PAX8: variants seen among roughly 807,000 people sequenced by gnomAD.
The protein encoded by PAX8 is paired box protein Pax-8.
A neutral mutation model predicts 52.4 loss-of-function variants in PAX8; 15 were observed. That is an observed-to-expected ratio of 0.29 (90% CI 0.19 to 0.44). The LOEUF (loss-of-function observed/expected upper bound fraction) is 0.44, where lower values mean the gene tolerates loss of function less well. Among genes scored for constraint, PAX8 ranks in the 20% least tolerant of loss-of-function variants. The pLI, the probability that PAX8 is intolerant of heterozygous loss-of-function variation, is 1.00. For missense variants in PAX8, 554 were observed against 602.5 expected, an observed-to-expected ratio of 0.92 and a Z score of 0.84; for synonymous variants, 284 against 249.7, an observed-to-expected ratio of 1.14 and a Z score of -1.29.
At chr2:113,254,927 C>T (rs542753029) in intron 2 of PAX8, among the ~76,000 whole-genome samples, 2 of 152,190 alleles carry the variant, frequency 1.3e-5, no homozygotes, top group South Asian at 4.1e-4. Flanking sequence ...TCCCTGCCTG[C>T]TCTCTTTGGT....
Position 113,235,771 on chromosome 2 carries a change from C to T in PAX8, c.899-189G>A, listed in dbSNP as rs974832554. ...CAAGGCGGGGAGAGAGAAGCTAGAC[C>T]TCCCTGCTGCGCTTCTGCAGCGAAA... On this transcript the variant is annotated intron_variant, in intron 8 of 11. Transcript: ENST00000429538. 3.5e-5 allele frequency: 20 copies of T among 571,580 alleles called. No individual in the cohort carries two copies. The South Asian group carries it at 3.7e-4, about 11-fold the overall frequency. 35.4% of individuals were successfully genotyped at this position (571,580 alleles called of 1,614,324 possible). A position where few individuals can be genotyped will look rare whatever the true frequency, so the allele number is the denominator to read the frequency against.
At chr2:113,272,660 C>T (rs564970329) in intron 2 of PAX8, 7 of 152,178 alleles carry the variant, frequency 4.6e-5, no homozygotes, top group Non-Finnish European at 7.3e-5. Flanking sequence ...TCCTTCCCCA[C>T]GAAAGGAATG....
intron 9 of PAX8, among the ~76,000 whole-genome samples, chr2:113,233,634 C>T (rs1573428876): frequency 1.3e-5 from 2 of 149,604 alleles, no homozygotes; most frequent in African/African-American, 4.9e-5. Flanking sequence ...GCTGAGATCG[C>T]GCCACTGCAC....
chr2:113,242,161 G>A (rs1690906274), intron 5 of PAX8, 31 bp from the exon 6 acceptor site: 1 of 1,600,374 alleles, frequency 6.2e-7, no homozygotes, highest in Non-Finnish European at 8.5e-7. Context: ...AGGGTCAGGG[G>A]TGGGAGTGAC....
chr2:113,277,866 C>A (rs1693936154), intron 2 of PAX8, among the ~76,000 whole-genome samples: 2 of 152,024 alleles, frequency 1.3e-5, no homozygotes, highest in African/African-American at 4.8e-5. Flanking sequence ...AGTGCGCTGC[C>A]GGCTCCCGGG....
At chr2:113,224,863 A>C (rs1261957246) in intron 10 of PAX8, among the ~76,000 whole-genome samples, 1 of 145,670 alleles carries the variant, frequency 6.9e-6, no homozygotes, top group Non-Finnish European at 1.5e-5. Context: ...AAATAAAATA[A>C]AATAAAATAA....
intron 2 of PAX8, among the ~76,000 whole-genome samples, chr2:113,252,537 C>T (rs1691856268): frequency 6.6e-6 from 1 of 152,196 alleles, no homozygotes; most frequent in African/African-American, 2.4e-5. Context: ...TTATGGGTTA[C>T]CTGGACACAT....
chr2:113,226,921 T>A, intron 10 of PAX8: 2 of 1,426,890 alleles, frequency 1.4e-6, no homozygotes, highest in Non-Finnish European at 1.9e-6. Context: ...TGGAGGGTAA[T>A]GTAGCAGGCC....
At chr2:113,227,823 G>C (rs1361063081) in intron 9 of PAX8, among the ~76,000 whole-genome samples, 4 of 152,194 alleles carry the variant, frequency 2.6e-5, no homozygotes, top group Non-Finnish European at 5.9e-5. Flanking sequence ...CCCCTGAGTA[G>C]AGGGGGCCTT....
At position 113,278,398 on chromosome 2, in the gene PAX8, C is replaced by A. The variant is rs772247370; in HGVS notation, c.-4G>T. ...ATCTGATGGAGTTGTGAGGCATCGCCGGGGAGTCGCTCGCAGCCCGCCGAG... is the reference window on the plus strand; with the variant it reads ...ATCTGATGGAGTTGTGAGGCATCGCAGGGGAGTCGCTCGCAGCCCGCCGAG... On this transcript the variant is annotated 5_prime_UTR_variant, in exon 2 of 12. Transcript: ENST00000429538. 9 of 1,610,726 alleles carry A rather than the reference C, an allele frequency of 5.6e-6. No homozygotes were observed. The highest frequency in any genetic ancestry group is 7.6e-6 in the Non-Finnish European group (9 of 1,178,628).
intron 7 of PAX8, chr2:113,241,195 G>A (rs1028142202): frequency 2.5e-6 from 1 of 407,934 alleles, no homozygotes; most frequent in Admixed American, 3.6e-5. Context: ...GGAAATAGTG[G>A]CTGAGGTCAT....
intron 2 of PAX8, among the ~76,000 whole-genome samples, chr2:113,276,949 T>A (rs543518751): frequency 4.6e-5 from 7 of 152,372 alleles, no homozygotes; most frequent in African/African-American, 1.7e-4. Flanking sequence ...ATGTCTGGTA[T>A]CGTACCACGG....
At chr2:113,255,883 C>G (rs745872106) in intron 2 of PAX8, among the ~76,000 whole-genome samples, 16 of 152,052 alleles carry the variant, frequency 1.1e-4, no homozygotes, top group Admixed American at 2.0e-4. Flanking sequence ...GCAGCAAATG[C>G]TACCCCTTCT....
At chr2:113,220,556 A>G (rs868599740) in intron 10 of PAX8, 1 of 198,586 alleles carries the variant, frequency 5.0e-6, no homozygotes, top group African/African-American at 2.3e-5. Context: ...CTGTGCTGTG[A>G]GTGTAGGGCC....
chr2:113,222,429 T>C (rs930283754), intron 10 of PAX8, among the ~76,000 whole-genome samples: 1 of 152,216 alleles, frequency 6.6e-6, no homozygotes, highest in Admixed American at 6.5e-5. Flanking sequence ...CTCAGTCACA[T>C]GGAACCTGGG....
Position 113,254,796 on chromosome 2 carries a change from G to T in PAX8, c.26-7877C>A, listed in dbSNP as rs189490093. On this transcript the variant is annotated intron_variant, in intron 2 of 11. Coordinates refer to ENST00000429538, the MANE Select transcript of PAX8 (RefSeq NM_003466.4). Reference sequence around the variant, plus strand: ...TTCGCTGCATCTGAATCCTCTCCTGGGTCCTTGACTGTGTCCTCCATGCCT... The same window carrying T: ...TTCGCTGCATCTGAATCCTCTCCTGTGTCCTTGACTGTGTCCTCCATGCCT... Among the ~76,000 whole-genome samples, 6 of 152,158 alleles carry T rather than the reference G, an allele frequency of 3.9e-5. No homozygotes were observed. In the East Asian group the frequency reaches 1.2e-3, roughly 29 times the overall value.
At chr2:113,259,337 G>A (rs1052505650) in intron 2 of PAX8, 3 of 152,738 alleles carry the variant, frequency 2.0e-5, no homozygotes, top group African/African-American at 7.2e-5. Flanking sequence ...GCCTTCAGAA[G>A]CCCAGGGAGA....
chr2:113,277,058 G>A (rs1336906482), intron 2 of PAX8, among the ~76,000 whole-genome samples: 4 of 152,218 alleles, frequency 2.6e-5, no homozygotes, highest in Non-Finnish European at 4.4e-5. Context: ...GAGGTGCCAG[G>A]GAGCTCTGCT....
chr2:113,245,951 G>A (rs1691283065), intron 3 of PAX8, among the ~76,000 whole-genome samples: 1 of 152,192 alleles, frequency 6.6e-6, no homozygotes, highest in Non-Finnish European at 1.5e-5. Context: ...GTCAGAGCAG[G>A]GGGACAGGCA....
Sources: allele counts gnomAD v4.1 joint callset (sites outside exome capture counted in the v4.1 genomes callset), GRCh38; gene constraint gnomAD v4.1.1; transcripts MANE v1.5; gene names NCBI Gene and HGNC (gene_info 2026-07-23, HGNC 2026-07-21).